The following IPCEF1 variants were observed in gnomAD, a reference collection of about 807,000 sequenced individuals.
IPCEF1 encodes interactor protein for cytohesin exchange factors 1.
IPCEF1 carries 31 observed loss-of-function variants against 50.9 expected under a neutral mutation model. The ratio of observed to expected loss-of-function variants is 0.61; its 90% CI spans 0.46 to 0.82. The LOEUF (loss-of-function observed/expected upper bound fraction) is 0.82, where lower values mean the gene tolerates loss of function less well. Among genes scored for constraint, IPCEF1 ranks in the 40% least tolerant of loss-of-function variants. The probability of loss-of-function intolerance (pLI) is 0.00; values close to 1 mark genes in which losing one functional copy is unlikely to be tolerated. For missense variants in IPCEF1, 458 were observed against 514.0 expected, an observed-to-expected ratio of 0.89 and a Z score of 1.05; for synonymous variants, 181 against 192.0, an observed-to-expected ratio of 0.94 and a Z score of 0.47.
chr6:154,210,731 A>G lies in IPCEF1; in HGVS notation c.537+2039T>C, dbSNP rs1275705640. 2.6e-5 allele frequency among the ~76,000 whole-genome samples: 4 copies of G among 152,246 alleles called. No homozygotes were observed. In the East Asian group the frequency reaches 7.7e-4, roughly 29 times the overall value. ...GAATATAGTAAGAAAGAATAATATTATAAATGTAGTTCAAAAATTGTTCTA... is the reference window on the plus strand; with the variant it reads ...GAATATAGTAAGAAAGAATAATATTGTAAATGTAGTTCAAAAATTGTTCTA... On this transcript the variant is annotated intron_variant, in intron 9 of 11. Coordinates refer to ENST00000367220, the MANE Select transcript of IPCEF1 (RefSeq NM_001130700.2).
At chr6:154,195,143 C>CTTTTTTTTT (rs1162086187) in intron 10 of IPCEF1, among the ~76,000 whole-genome samples, 3 of 133,480 alleles carry the variant, frequency 2.2e-5, no homozygotes, top group African/African-American at 8.9e-5. Flanking sequence ...TTTTTCTTTT[C>CTTTTTTTTT]TTTCTTTTTT....
At chr6:154,209,124 A>G (rs1777748168) in intron 9 of IPCEF1, among the ~76,000 whole-genome samples, 1 of 152,252 alleles carries the variant, frequency 6.6e-6, no homozygotes, top group Non-Finnish European at 1.5e-5. Flanking sequence ...TATAGCAATT[A>G]GAATGATTAG....
At chr6:154,318,722 A>G (rs1254950107) in intron 1 of IPCEF1, among the ~76,000 whole-genome samples, 1 of 151,812 alleles carries the variant, frequency 6.6e-6, no homozygotes, top group Non-Finnish European at 1.5e-5. Context: ...CAAAAAAAAA[A>G]AAAAAAAAAA....
chr6:154,199,793 C>T lies in IPCEF1; in HGVS notation c.785G>A (p.Ser262Asn), dbSNP rs754576126. ...EAGIHKALEN[S>N]FVTSESGFLN... ...AAATCCACTTTCTGATGTGACAAAACTGTTTTCCAGGGCCTTGTGGATGCC... is the reference window on the plus strand; with the variant it reads ...AAATCCACTTTCTGATGTGACAAAATTGTTTTCCAGGGCCTTGTGGATGCC... Residue 262 changes from serine to asparagine, a missense_variant, in exon 10 of 12, where the codon AGT becomes AAT. By Grantham distance (46) the Ser-to-Asn change is conservative. Coordinates refer to ENST00000367220, the MANE Select transcript of IPCEF1 (RefSeq NM_001130700.2). 6.2e-7 allele frequency: 1 copy of T among 1,614,202 alleles called. No homozygotes were observed. The highest frequency in any genetic ancestry group is 1.1e-5 in the South Asian group (1 of 91,086).
At chr6:154,318,421 G>C (rs1438850083) in intron 1 of IPCEF1, among the ~76,000 whole-genome samples, 1 of 152,108 alleles carries the variant, frequency 6.6e-6, no homozygotes, top group Non-Finnish European at 1.5e-5. Flanking sequence ...AACAAATGAA[G>C]GAATAATGTA....
chr6:154,282,941 GGA>G (rs1368247260), intron 2 of IPCEF1, among the ~76,000 whole-genome samples: 7 of 152,138 alleles, frequency 4.6e-5, no homozygotes, highest in Non-Finnish European at 8.8e-5. Context: ...CAGAGCCCAA[GGA>G]GAGAGTGGAA....
chr6:154,206,531 T>TGAAATATTGAAATGAA (rs1777509166), intron 9 of IPCEF1, among the ~76,000 whole-genome samples: 1 of 152,164 alleles, frequency 6.6e-6, no homozygotes, highest in Admixed American at 6.6e-5. Context: ...GCTCTGACTT[T>TGAAATATTGAAATGAA]AAGAATTTAA....
chr6:154,351,847 C>G (rs1481508355), intron 1 of IPCEF1, among the ~76,000 whole-genome samples: 2 of 152,184 alleles, frequency 1.3e-5, no homozygotes, highest in African/African-American at 4.8e-5. Flanking sequence ...ATGGATGGAG[C>G]TGGAAGCCAT....
chr6:154,256,137 G>A (rs1460935775), intron 3 of IPCEF1, among the ~76,000 whole-genome samples: 2 of 152,140 alleles, frequency 1.3e-5, no homozygotes, highest in Non-Finnish European at 2.9e-5. Flanking sequence ...TCACAGTTCT[G>A]GAAGCTGGGA....
intron 2 of IPCEF1, among the ~76,000 whole-genome samples, chr6:154,270,154 G>T (rs936594673): frequency 3.3e-5 from 5 of 152,118 alleles, no homozygotes; most frequent in African/African-American, 4.8e-5. Context: ...TTTAAAAATA[G>T]ATAAGACCCT....
chr6:154,235,763 A>G (rs1342021933), intron 5 of IPCEF1, among the ~76,000 whole-genome samples: 1 of 152,214 alleles, frequency 6.6e-6, no homozygotes, highest in Non-Finnish European at 1.5e-5. Context: ...CCAAGAAGAT[A>G]TGGAAATGGC....
chr6:154,243,036 A>T (rs1780725482), intron 5 of IPCEF1, among the ~76,000 whole-genome samples: 1 of 152,234 alleles, frequency 6.6e-6, no homozygotes, highest in African/African-American at 2.4e-5. Flanking sequence ...GGAATTGGAT[A>T]GGAGAAAGAC....
intron 7 of IPCEF1, among the ~76,000 whole-genome samples, chr6:154,220,427 TG>T (rs1778771702): frequency 6.6e-6 from 1 of 151,928 alleles, no homozygotes; most frequent in Admixed American, 6.6e-5. Context: ...GAGGCCGAGG[TG>T]GGTGGATCAC....
intron 1 of IPCEF1, among the ~76,000 whole-genome samples, chr6:154,338,318 C>T (rs970377931): frequency 6.6e-6 from 1 of 152,028 alleles, no homozygotes; most frequent in African/African-American, 2.4e-5. Context: ...AAATTTTGAC[C>T]TCATGTACTC....
intron 1 of IPCEF1, among the ~76,000 whole-genome samples, chr6:154,347,849 A>G (rs560542653): frequency 1.3e-5 from 2 of 152,302 alleles, no homozygotes; most frequent in African/African-American, 4.8e-5. Flanking sequence ...TTGGTGCTCA[A>G]TGCCTGAAGT....
intron 7 of IPCEF1, among the ~76,000 whole-genome samples, chr6:154,218,581 A>C (rs1778602775): frequency 6.6e-6 from 1 of 152,214 alleles, no homozygotes; most frequent in Admixed American, 6.5e-5. Flanking sequence ...TCCTGGCTTA[A>C]ACCGGCTGCA....
chr6:154,300,700 A>G (rs1379066924), intron 1 of IPCEF1, among the ~76,000 whole-genome samples: 2 of 152,214 alleles, frequency 1.3e-5, no homozygotes, highest in Non-Finnish European at 1.5e-5. Flanking sequence ...CCCAAAAAAC[A>G]TAAAGTCCAA....
At chr6:154,216,747 A>C (rs1778426781) in intron 7 of IPCEF1, among the ~76,000 whole-genome samples, 1 of 152,196 alleles carries the variant, frequency 6.6e-6, no homozygotes, top group South Asian at 2.1e-4. Context: ...ACACGCCTAT[A>C]ATCCCAGCTA....
chr6:154,345,772 C>T (rs1407261281), intron 1 of IPCEF1, among the ~76,000 whole-genome samples: 1 of 152,094 alleles, frequency 6.6e-6, no homozygotes, highest in East Asian at 1.9e-4. Flanking sequence ...GGTTACTGTA[C>T]CCCATATGGT....
Sources: allele counts gnomAD v4.1 joint callset (sites outside exome capture counted in the v4.1 genomes callset), GRCh38; gene constraint gnomAD v4.1.1; transcripts MANE v1.5; gene names NCBI Gene and HGNC (gene_info 2026-07-23, HGNC 2026-07-21).